The following ATP2C2 variants were observed in gnomAD, a reference collection of about 807,000 sequenced individuals.
ATP2C2 encodes the protein ATPase secretory pathway Ca2+ transporting 2.
In ATP2C2, 171 loss-of-function variants were observed where a neutral mutation model predicts 110.8. The ratio of observed to expected loss-of-function variants is 1.54; its 90% confidence interval spans 1.36 to 1.75. The LOEUF is 1.75. Among genes scored for constraint, ATP2C2 ranks in the 40% most tolerant of loss-of-function variants. ATP2C2 has a pLI of 0.00. For synonymous variants in ATP2C2, 804 were observed against 508.4 expected (o/e 1.58, Z -7.82); for missense variants, 1,963 against 1,235.0 (o/e 1.59, Z -8.84).
intron 1 of ATP2C2, among the ~76,000 whole-genome samples, chr16:84,392,619 C>T (rs974598625): frequency 6.6e-6 from 1 of 152,166 alleles, no homozygotes; most frequent in Non-Finnish European, 1.5e-5. Flanking sequence ...CCCGCCACCA[C>T]GCCCGGCTAA....
At chr16:84,381,918 C>T (rs933339724) in intron 1 of ATP2C2, among the ~76,000 whole-genome samples, 1 of 152,162 alleles carries the variant, frequency 6.6e-6, no homozygotes, top group Non-Finnish European at 1.5e-5. Context: ...TGGAATTGGG[C>T]CCAGGGCGGC....
rs1045351675 is a variant in ATP2C2 at position 84,464,017 on chromosome 16, G to T, written c.*285G>T. 2 of 296,008 alleles carry T rather than the reference G, an allele frequency of 6.8e-6. No homozygotes were observed. The highest frequency in any genetic ancestry group is 6.3e-6 in the Non-Finnish European group (1 of 157,658). 18.3% of individuals were successfully genotyped at this position (296,008 alleles called of 1,614,324 possible). ...ATTTTTATTAACCATGTCTAACTAC[G>T]TATCTGTGCCACAGCTTGCAGTGAG... On this transcript the variant is annotated 3_prime_UTR_variant, in exon 27 of 27. Coordinates refer to ENST00000262429, the MANE Select transcript of ATP2C2 (RefSeq NM_014861.4).
chr16:84,426,375 C>G (rs556464440), intron 11 of ATP2C2, among the ~76,000 whole-genome samples: 50 of 152,308 alleles, frequency 3.3e-4, no homozygotes, highest in African/African-American at 1.2e-3. Context: ...CCTCCCACCT[C>G]CAACACTGGG....
intron 11 of ATP2C2, among the ~76,000 whole-genome samples, chr16:84,426,794 C>T (rs1021560075): frequency 2.6e-5 from 4 of 152,164 alleles, no homozygotes; most frequent in African/African-American, 4.8e-5. Flanking sequence ...CAAGGCCACA[C>T]GCGGACAGCA....
intron 23 of ATP2C2, chr16:84,459,640 C>A: frequency 6.8e-7 from 1 of 1,465,774 alleles, no homozygotes; most frequent in Non-Finnish European, 9.2e-7. Context: ...TCTCTCTGGG[C>A]AACCTGCATG....
intron 1 of ATP2C2, among the ~76,000 whole-genome samples, chr16:84,379,997 T>A (rs1454939035): frequency 6.6e-6 from 1 of 152,192 alleles, no homozygotes; most frequent in Non-Finnish European, 1.5e-5. Context: ...CTCAGAGAAC[T>A]AAGCCTTGCA....
chr16:84,462,299 G>T (rs1010789292), intron 26 of ATP2C2, 170 bp downstream of exon 26: 2 of 827,072 alleles, frequency 2.4e-6, no homozygotes, highest in South Asian at 3.7e-5. Flanking sequence ...GGACTCTAAC[G>T]TGGGTGATGT....
chr16:84,421,005 T>A (rs1003682288), intron 7 of ATP2C2, among the ~76,000 whole-genome samples: 1 of 152,030 alleles, frequency 6.6e-6, no homozygotes, highest in African/African-American at 2.4e-5. Context: ...AGGGTTTCAC[T>A]GTGTTGGCCA....
intron 17 of ATP2C2, among the ~76,000 whole-genome samples, chr16:84,450,161 G>A (rs3826148): frequency 2.0e-5 from 3 of 152,358 alleles, no homozygotes; most frequent in East Asian, 1.9e-4. Context: ...CAGTGTACAC[G>A]CAGGTCCTTT....
intron 11 of ATP2C2, among the ~76,000 whole-genome samples, chr16:84,428,222 A>G (rs1214469635): frequency 4.6e-5 from 7 of 152,238 alleles, no homozygotes; most frequent in Non-Finnish European, 8.8e-5. Flanking sequence ...GGTACATGGT[A>G]TCAGGTACCT....
chr16:84,454,038 G>A (rs778658313), intron 20 of ATP2C2, among the ~76,000 whole-genome samples: 41 of 152,196 alleles, frequency 2.7e-4, no homozygotes, highest in Non-Finnish European at 4.0e-4. Context: ...GCAGGGTTTC[G>A]CCATGTTGGC....
chr16:84,433,132 C>A (rs1180962436), intron 11 of ATP2C2, among the ~76,000 whole-genome samples: 2 of 152,146 alleles, frequency 1.3e-5, no homozygotes, highest in Non-Finnish European at 2.9e-5. Context: ...GTAATCCTAG[C>A]ACTTTGGGAG....
intron 1 of ATP2C2, among the ~76,000 whole-genome samples, chr16:84,388,211 G>C (rs923219289): frequency 6.1e-4 from 93 of 152,208 alleles, no homozygotes; most frequent in African/African-American, 2.0e-3. Context: ...TGTAACTCTA[G>C]CTACTCGGGA....
chr16:84,442,135 C>T (rs941909023), intron 14 of ATP2C2, among the ~76,000 whole-genome samples: 3 of 152,018 alleles, frequency 2.0e-5, no homozygotes, highest in Admixed American at 1.3e-4. Flanking sequence ...GAATTCACCC[C>T]GTTAAAGTGC....
At chr16:84,412,414 C>CTGTG (rs71151210) in intron 6 of ATP2C2, among the ~76,000 whole-genome samples, 77,032 of 146,648 alleles carry the variant, frequency 0.53, 20,159 homozygotes, top group Middle Eastern at 0.6. Flanking sequence ...GTGCATGTGT[C>CTGTG]TGTGTATGTG....
chr16:84,402,248 A>G (rs763653191), intron 2 of ATP2C2, among the ~76,000 whole-genome samples: 11 of 152,190 alleles, frequency 7.2e-5, no homozygotes, highest in Admixed American at 4.6e-4. Context: ...TTCAGATATA[A>G]GATCATATCA....
chr16:84,441,178 A>T lies in ATP2C2; in HGVS notation c.1311+220A>T, dbSNP rs147437691. 9.9e-3 allele frequency among the ~76,000 whole-genome samples: 1,507 copies of T among 152,336 alleles called. 12 individuals are homozygous for T. Among genetic ancestry groups the T allele is most frequent in the Non-Finnish European group, 0.014 (943 of 68,032 alleles). On this transcript the variant is annotated intron_variant, in intron 14 of 26. Coordinates refer to ENST00000262429, the MANE Select transcript of ATP2C2 (RefSeq NM_014861.4). The stretch of plus-strand genomic sequence containing the variant: ...CTGGGCACAGTGGCTAATGCCCGTT[A>T]TCCCAGCACTTTGGGAGGCCAAGGC...
intron 1 of ATP2C2, among the ~76,000 whole-genome samples, chr16:84,380,579 T>A (rs960073851): frequency 6.6e-6 from 1 of 152,176 alleles, no homozygotes; most frequent in Non-Finnish European, 1.5e-5. Context: ...GCTTGGGTGT[T>A]CTTGGCCCCT....
intron 1 of ATP2C2, among the ~76,000 whole-genome samples, chr16:84,394,497 C>G (rs1385351771): frequency 6.6e-6 from 1 of 152,088 alleles, no homozygotes; most frequent in Non-Finnish European, 1.5e-5. Context: ...CTTCCAGGTT[C>G]ATCTGTGTTG....
Sources: gnomAD v4.1 joint callset for allele counts (sites outside exome capture counted in the v4.1 genomes callset) on GRCh38, gnomAD v4.1.1 for gene constraint, MANE v1.5 for transcripts, NCBI Gene and HGNC (gene_info 2026-07-23, HGNC 2026-07-21) for gene names.